HMGCLL1: variants seen among roughly 807,000 people sequenced by gnomAD.
The protein encoded by HMGCLL1 is 3-hydroxymethyl-3-methylglutaryl-CoA lyase, cytoplasmic.
A neutral mutation model predicts 39.1 loss-of-function variants in HMGCLL1; 36 were observed. That is an observed-to-expected ratio of 0.92 (90% CI 0.71 to 1.22). The LOEUF is 1.22. Ranked by LOEUF, HMGCLL1 falls within the 50% of genes most tolerant of loss-of-function variation. The probability of loss-of-function intolerance (pLI) is 0.00; values close to 1 mark genes in which losing one functional copy is unlikely to be tolerated. For synonymous variants in HMGCLL1, 149 were observed against 144.0 expected (o/e 1.03, Z -0.25); for missense variants, 451 against 416.5 (o/e 1.08, Z -0.72).
At chr6:55,503,697 G>A (rs1256398023) in intron 5 of HMGCLL1, among the ~76,000 whole-genome samples, 1 of 151,554 alleles carries the variant, frequency 6.6e-6, no homozygotes, top group Non-Finnish European at 1.5e-5. Context: ...TGTCTGAAGT[G>A]GTCATCGTCC....
the HMGCLL1 span, among the ~76,000 whole-genome samples, chr6:55,640,862 G>T: frequency 6.6e-6 from 1 of 151,670 alleles, no homozygotes; most frequent in Admixed American, 6.6e-5. Flanking sequence ...CCAAACCCAC[G>T]ATTGACTTAA....
At chr6:55,511,097 C>A (rs183254531) in intron 5 of HMGCLL1, among the ~76,000 whole-genome samples, 2 of 151,830 alleles carry the variant, frequency 1.3e-5, no homozygotes, top group African/African-American at 4.8e-5. Context: ...TCAATAAATA[C>A]CATTGATAAA....
At chr6:55,678,287 C>T in the HMGCLL1 span, among the ~76,000 whole-genome samples, 2 of 152,146 alleles carry the variant, frequency 1.3e-5, no homozygotes, top group African/African-American at 4.8e-5. Flanking sequence ...AGAGATACAG[C>T]TACACAGATT....
In HMGCLL1 at chr6:55,554,616, C is replaced by T. The variant is rs371226108; in HGVS notation, c.109-12476G>A. Among the ~76,000 whole-genome samples, 8 of 152,064 alleles carry T rather than the reference C, an allele frequency of 5.3e-5. No individual in the cohort carries two copies. In the East Asian group the frequency reaches 7.8e-4, roughly 15 times the overall value. ...CAGAAACCATAATATTTGGGACATT[C>T]AAATTATAAGGGCAATGAAATATGC... On this transcript the variant is annotated intron_variant, in intron 1 of 8. Transcript: ENST00000274901.
intron 1 of HMGCLL1, among the ~76,000 whole-genome samples, chr6:55,563,094 T>C (rs1771033652): frequency 6.6e-6 from 1 of 152,108 alleles, no homozygotes; most frequent in Non-Finnish European, 1.5e-5. Flanking sequence ...TATGTGTATA[T>C]GCACACACGG....
chr6:55,632,961 C>G, the HMGCLL1 span, among the ~76,000 whole-genome samples: 27 of 152,208 alleles, frequency 1.8e-4, no homozygotes, highest in African/African-American at 6.3e-4. Flanking sequence ...AGACTCTTGA[C>G]ATCTCTGAGA....
chr6:55,606,840 C>A, the HMGCLL1 span, among the ~76,000 whole-genome samples: 2 of 151,602 alleles, frequency 1.3e-5, no homozygotes, highest in Admixed American at 1.3e-4. Flanking sequence ...AATCACACAG[C>A]ACCTTAGAAG....
chr6:55,502,975 C>T (rs934090740), intron 5 of HMGCLL1, among the ~76,000 whole-genome samples: 3 of 7,696 alleles, frequency 3.9e-4, no homozygotes, highest in Non-Finnish European at 1.7e-3. Flanking sequence ...TTCTGTTCTG[C>T]TAAAGTTTTT....
the HMGCLL1 span, among the ~76,000 whole-genome samples, chr6:55,609,900 A>G: frequency 6.6e-6 from 1 of 152,266 alleles, no homozygotes; most frequent in Non-Finnish European, 1.5e-5. Context: ...ACCCAGATGA[A>G]CAGGGCCCGA....
intron 5 of HMGCLL1, among the ~76,000 whole-genome samples, chr6:55,507,318 G>C (rs1767221528): frequency 6.6e-6 from 1 of 151,680 alleles, no homozygotes; most frequent in East Asian, 1.9e-4. Context: ...GGCATCCACT[G>C]GGGTCTTGGA....
chr6:55,549,373 AGTGTGTGTGTGT>A (rs70986732), intron 1 of HMGCLL1, among the ~76,000 whole-genome samples: 2 of 145,416 alleles, frequency 1.4e-5, no homozygotes, highest in African/African-American at 2.6e-5. Flanking sequence ...CAAATACAGA[AGTGTGTGTGTGT>A]GTGTGTGTGT....
intron 7 of HMGCLL1, among the ~76,000 whole-genome samples, chr6:55,456,049 C>T (rs138818108): frequency 2.1e-3 from 316 of 152,224 alleles, no homozygotes; most frequent in African/African-American, 7.3e-3. Context: ...CATACAAATG[C>T]CAAGCAAAGA....
rs370123185 is a variant in HMGCLL1, at chr6:55,579,088, G to A, written c.-33C>T. ...CCTGGGGCGGCAGTCGGCGAGGGGA[G>A]GGAGACTGGAGGAGGATGAGGGGCG... On this transcript the variant is annotated 5_prime_UTR_variant, in exon 1 of 9. Coordinates refer to ENST00000274901, the MANE Select transcript of HMGCLL1 (RefSeq NM_001042406.2). 3.0e-5 allele frequency: 46 copies of A among 1,522,218 alleles called. No individual in the cohort carries two copies. The African/African-American group carries it at 4.8e-4, about 16-fold the overall frequency. 94.3% of individuals were successfully genotyped at this position (1,522,218 alleles called of 1,614,324 possible). A position where few individuals can be genotyped will look rare whatever the true frequency, so the allele number is the denominator to read the frequency against.
At chr6:55,583,592 T>C (rs1254124811), upstream of HMGCLL1, among the ~76,000 whole-genome samples, 1 of 152,138 alleles carries the variant, frequency 6.6e-6, no homozygotes, top group Non-Finnish European at 1.5e-5. Context: ...ATCCAGTCTA[T>C]CATTGTTGGA....
At chr6:55,465,122 A>C (rs542263648) in intron 7 of HMGCLL1, among the ~76,000 whole-genome samples, 111 of 152,308 alleles carry the variant, frequency 7.3e-4, no homozygotes, top group African/African-American at 2.5e-3. Context: ...TTTTACAACA[A>C]AGGTTTTAAT....
At chr6:55,471,560 T>C (rs1765046943) in intron 7 of HMGCLL1, among the ~76,000 whole-genome samples, 1 of 151,752 alleles carries the variant, frequency 6.6e-6, no homozygotes, top group South Asian at 2.1e-4. Context: ...ATACCAGGTA[T>C]AACATGAAAT....
At chr6:55,484,722 T>C (rs1216667682) in intron 7 of HMGCLL1, among the ~76,000 whole-genome samples, 1 of 152,068 alleles carries the variant, frequency 6.6e-6, no homozygotes, top group Non-Finnish European at 1.5e-5. Flanking sequence ...ATACTTAGAA[T>C]ATGCTCACCA....
the HMGCLL1 span, among the ~76,000 whole-genome samples, chr6:55,624,462 C>T: frequency 6.6e-6 from 1 of 152,188 alleles, no homozygotes; most frequent in Non-Finnish European, 1.5e-5. Flanking sequence ...CTTCAGCTGG[C>T]AAGGCCAGCA....
intron 3 of HMGCLL1, among the ~76,000 whole-genome samples, chr6:55,522,564 T>C (rs1768093332): frequency 6.6e-6 from 1 of 152,016 alleles, no homozygotes; most frequent in African/African-American, 2.4e-5. Context: ...TCCTATTCAT[T>C]TAGATTTTAA....
Sources: gnomAD v4.1 joint callset for allele counts (sites outside exome capture counted in the v4.1 genomes callset) on GRCh38, gnomAD v4.1.1 for gene constraint, MANE v1.5 for transcripts, NCBI Gene and HGNC (gene_info 2026-07-23, HGNC 2026-07-21) for gene names.